TRPM5: variants seen among roughly 807,000 people sequenced by gnomAD.
TRPM5 encodes the protein MLSN1 and TRP-related.
In TRPM5, 121 loss-of-function variants were observed where a neutral mutation model predicts 124.9. The ratio of observed to expected loss-of-function variants is 0.97; its 90% confidence interval spans 0.84 to 1.13. The LOEUF is 1.13. Among genes scored for constraint, TRPM5 ranks in the 50% most tolerant of loss-of-function variants. The probability of loss-of-function intolerance (pLI) is 0.00; values close to 1 mark genes in which losing one functional copy is unlikely to be tolerated. For synonymous variants in TRPM5, 781 were observed against 700.5 expected, an observed-to-expected ratio of 1.11 and a Z score of -1.81; for missense variants, 1,643 against 1,589.1, an observed-to-expected ratio of 1.03 and a Z score of -0.58.
chr11:2,414,809 G>C (rs780089603), exon 11 of TRPM5: 1 of 1,583,836 alleles, frequency 6.3e-7, no homozygotes, highest in South Asian at 1.1e-5. Flanking sequence ...TTTTGCAGGC[G>C]GCCAGTGCGG....
intron 7 of TRPM5, among the ~76,000 whole-genome samples, chr11:2,416,367 G>A (rs990914928): frequency 2.0e-5 from 3 of 152,194 alleles, no homozygotes; most frequent in Non-Finnish European, 4.4e-5. Flanking sequence ...ATGTTGTCGG[G>A]GGAGCAAGCT....
chr11:2,417,782 G>A (rs750187343), exon 7 of TRPM5: 14 of 1,593,414 alleles, frequency 8.8e-6, no homozygotes, highest in South Asian at 6.8e-5. Flanking sequence ...CCTCCTGCTC[G>A]AAGTCATACA....
chr11:2,407,984 G>T, intron 18 of TRPM5, 72 bp from the exon 24 acceptor site: 1 of 1,565,466 alleles, frequency 6.4e-7, no homozygotes, highest in Non-Finnish European at 8.7e-7. Context: ...AATGCCCCGA[G>T]ATAGAGCGCT....
chr11:2,405,594 C>T lies in TRPM5; in HGVS notation c.3325-1G>A. The T allele has an allele frequency of 6.4e-7, 1 of 1,561,072 alleles. No individual in the cohort carries two copies. Among genetic ancestry groups the T allele is most frequent in the African/African-American group, 1.4e-5 (1 of 73,960 alleles). Reference sequence around the variant, plus strand: ...ACACGAGCACCGAGCAGTAGTTGATCTGGAGAAGGGAAACACGTCCGGGAA... The same window carrying T: ...ACACGAGCACCGAGCAGTAGTTGATTTGGAGAAGGGAAACACGTCCGGGAA... On this transcript the variant is annotated splice_acceptor_variant, in intron 22 of 23. Transcript: ENST00000155858. LOFTEE classifies it high-confidence loss of function.
At chr11:2,414,298 T>A in intron 11 of TRPM5, 92 bp from the exon 17 acceptor site, 1 of 1,485,912 alleles carries the variant, frequency 6.7e-7, no homozygotes, top group Non-Finnish European at 9.0e-7. Context: ...AGACCTGGGC[T>A]CTGCAGCCGC....
intron 21 of TRPM5, 75 bp downstream of exon 26, chr11:2,406,584 CTG>C: frequency 6.6e-7 from 1 of 1,518,954 alleles, no homozygotes; most frequent in Non-Finnish European, 8.9e-7. Flanking sequence ...CTCAGATCCT[CTG>C]TCACTGGCGC....
chr11:2,423,187 GCA>G, upstream of TRPM5: 1 of 647,278 alleles, frequency 1.5e-6, no homozygotes, highest in Non-Finnish European at 2.7e-6. Flanking sequence ...CTGCCCCCAG[GCA>G]TCTCTGCCCC....
At chr11:2,418,287 C>A in exon 6 of TRPM5, 1 of 1,576,866 alleles carries the variant, frequency 6.3e-7, no homozygotes, top group South Asian at 1.2e-5. Flanking sequence ...GGGCAGCAAG[C>A]ACATCGGCGA....
exon 24 of TRPM5, chr11:2,404,927 G>A: frequency 2.5e-6 from 4 of 1,609,324 alleles, no homozygotes; most frequent in Non-Finnish European, 3.4e-6. Context: ...CACGTGGCAG[G>A]CCAAGCAGCT....
intron 18 of TRPM5, 46 bp from the exon 24 acceptor site, chr11:2,407,958 A>G: frequency 6.2e-7 from 1 of 1,601,310 alleles, no homozygotes; most frequent in Non-Finnish European, 8.5e-7. Flanking sequence ...GGCAGCCACA[A>G]GGGCGGCCTT....
the TRPM5 span, among the ~76,000 whole-genome samples, chr11:2,430,651 T>C: frequency 1.3e-5 from 2 of 151,610 alleles, no homozygotes; most frequent in Non-Finnish European, 2.9e-5. Flanking sequence ...GTGGCAGTGA[T>C]GGTGACAGTG....
At chr11:2,407,705 C>A in intron 19 of TRPM5, 54 bp downstream of exon 24, 2 of 1,594,472 alleles carry the variant, frequency 1.3e-6, no homozygotes, top group South Asian at 2.3e-5. Flanking sequence ...TGGGGAATGA[C>A]CCTCTGCTCC....
chr11:2,420,096 C>A (rs1432458296), intron 4 of TRPM5, 126 bp downstream of exon 9: 9 of 1,085,592 alleles, frequency 8.3e-6, no homozygotes, highest in Non-Finnish European at 1.2e-5. Flanking sequence ...CTCAGGCATG[C>A]GGGGTGCGTT....
chr11:2,413,426 C>T, intron 13 of TRPM5, 50 bp downstream of exon 18: 2 of 1,525,306 alleles, frequency 1.3e-6, no homozygotes, highest in Non-Finnish European at 1.8e-6. Flanking sequence ...GTAGCTCCGG[C>T]ACTCGCACTG....
intron 8 of TRPM5, 128 bp from the exon 14 acceptor site, chr11:2,415,599 T>G (rs973483064): frequency 1.1e-5 from 8 of 700,610 alleles, no homozygotes; most frequent in Non-Finnish European, 1.6e-5. Context: ...ACGCAGACCC[T>G]CTCGCTCTCC....
the TRPM5 span, among the ~76,000 whole-genome samples, chr11:2,429,363 T>C: frequency 6.6e-6 from 1 of 151,224 alleles, no homozygotes; most frequent in Non-Finnish European, 1.5e-5. The surrounding 1 kb of genome is among the most constrained non-coding windows in gnomAD (Gnocchi z 8.4). Flanking sequence ...ATGATGATGG[T>C]GGTGGTGATG....
rs768040441 is a variant in TRPM5 at position 2,415,059 on chromosome 11, G to C, written c.1480-12C>G. ...GCCGGGCCCTTCTCCTGGAGGACAC[G>C]GGCGTCGGCCTCCTGCTGCGGCCCC... On this transcript the variant is annotated splice_polypyrimidine_tract_variant and intron_variant, in intron 9 of 23. Coordinates refer to ENST00000155858, the Ensembl canonical transcript of TRPM5. The C allele has an allele frequency of 6.3e-7, 1 of 1,596,650 alleles. No homozygotes were observed. The highest frequency in any genetic ancestry group is 1.3e-5 in the African/African-American group (1 of 74,762).
chr11:2,413,713 T>G, intron 12 of TRPM5, 125 bp from the exon 18 acceptor site: 1 of 892,542 alleles, frequency 1.1e-6, no homozygotes, highest in Non-Finnish European at 1.8e-6. Context: ...AGCCCAGCCC[T>G]CCCTCCCGGA....
chr11:2,413,637 G>T (rs751640713), intron 12 of TRPM5, 49 bp from the exon 18 acceptor site: 3 of 1,538,092 alleles, frequency 2.0e-6, no homozygotes, highest in Non-Finnish European at 1.8e-6. Context: ...CTTTGCCCAG[G>T]CTGCGCCCTG....
Sources: allele counts gnomAD v4.1 joint callset (sites outside exome capture counted in the v4.1 genomes callset), GRCh38; gene constraint gnomAD v4.1.1; non-coding constraint Gnocchi (gnomAD v3.1); transcripts MANE v1.5; gene names NCBI Gene and HGNC (gene_info 2026-07-23, HGNC 2026-07-21).